BTD: variants seen among roughly 807,000 people sequenced by gnomAD.
BTD encodes biocytinase.
A neutral mutation model predicts 17.7 loss-of-function variants in BTD; 13 were observed. That is an observed-to-expected ratio of 0.74 (90% CI 0.48 to 1.17). The LOEUF (loss-of-function observed/expected upper bound fraction) is 1.17. BTD is among the 50% of genes most tolerant of loss of function. The pLI is 0.00. For missense variants in BTD, 674 were observed against 650.4 expected, an observed-to-expected ratio of 1.04 and a Z score of -0.39; for synonymous variants, 240 against 245.2, an observed-to-expected ratio of 0.98 and a Z score of 0.20.
chr3:15,633,393 C>A (rs1446611716), intron 1 of BTD, among the ~76,000 whole-genome samples: 3 of 152,172 alleles, frequency 2.0e-5, no homozygotes, highest in African/African-American at 7.2e-5. Context: ...TATTATCGAC[C>A]TACCTTTGTT....
intron 1 of BTD, among the ~76,000 whole-genome samples, chr3:15,626,506 G>A (rs761196475): frequency 1.1e-4 from 16 of 152,182 alleles, no homozygotes; most frequent in Non-Finnish European, 1.9e-4. Context: ...TAGGACAGAG[G>A]CCAGGCATGG....
intron 3 of BTD, among the ~76,000 whole-genome samples, chr3:15,675,693 A>G (rs2066864249): frequency 6.6e-6 from 1 of 152,274 alleles, no homozygotes; most frequent in Non-Finnish European, 1.5e-5. Context: ...TTGCTGTAAC[A>G]GATGATATAG....
intron 1 of BTD, among the ~76,000 whole-genome samples, chr3:15,611,460 A>G (rs570118135): frequency 1.3e-5 from 2 of 152,176 alleles, no homozygotes; most frequent in Admixed American, 6.5e-5. Flanking sequence ...TTCTTTTACT[A>G]TATTCTCACA....
At chr3:15,680,093 T>C (rs1034797483) in intron 3 of BTD, among the ~76,000 whole-genome samples, 1 of 152,148 alleles carries the variant, frequency 6.6e-6, no homozygotes, top group African/African-American at 2.4e-5. Context: ...AAACGAGAAA[T>C]GACTGTGCTA....
At position 15,635,344 on chromosome 3, in the gene BTD, A is replaced by G. The variant is rs1234201481; in HGVS notation, c.-16-80A>G. On this transcript the variant is annotated intron_variant, in intron 1 of 3. Transcript: ENST00000643237. The surrounding 1 kb of genome is among the most constrained non-coding windows in gnomAD (Gnocchi z 4.1). ...GCGAGTGAGTTTAATTGCTGGGATT[A>G]ATAAATCACAGCTGCAAACGTTAAA... The G allele has an allele frequency of 1.9e-6, 3 of 1,592,402 alleles. No homozygotes were observed. Among genetic ancestry groups the G allele is most frequent in the Non-Finnish European group, 1.7e-6 (2 of 1,163,168 alleles).
chr3:15,697,352 A>G (rs2069765362), intron 3 of BTD: 1 of 152,218 alleles, frequency 6.6e-6, no homozygotes. Context: ...TGAGGGATAA[A>G]AGACTACACA....
Position 15,648,166 on chromosome 3 carries a change from C to G in BTD, c.*2678C>G, listed in dbSNP as rs191229792. ...CACAGAAGATCTCCTCAGAGAGGAC[C>G]GATGGTGAGTCGGCCGCTCTTGATT... is the stretch of plus-strand genomic sequence containing the variant. On this transcript the variant is annotated 3_prime_UTR_variant, in exon 4 of 4. Coordinates refer to ENST00000643237, the MANE Select transcript of BTD (RefSeq NM_001370658.1). Among the ~76,000 whole-genome samples, 9 of 152,318 alleles carry G rather than the reference C, an allele frequency of 5.9e-5. No homozygotes were observed. Among genetic ancestry groups the G allele is most frequent in the South Asian group, 2.1e-4 (1 of 4,822 alleles).
At chr3:15,721,136 A>AG in intron 4 of BTD, 1 of 1,599,366 alleles carries the variant, frequency 6.3e-7, no homozygotes, top group Non-Finnish European at 8.5e-7. Flanking sequence ...ATCTATTAGA[A>AG]GGGAAAAAAA....
At chr3:15,601,932 G>C in intron 1 of BTD, 38 bp downstream of exon 1, 2 of 1,611,854 alleles carry the variant, frequency 1.2e-6, no homozygotes, top group Non-Finnish European at 1.7e-6. Context: ...AGGGGGTGTG[G>C]TAAGGGCGTG....
chr3:15,622,885 A>G (rs1203823454), intron 1 of BTD, among the ~76,000 whole-genome samples: 1 of 152,154 alleles, frequency 6.6e-6, no homozygotes, highest in Admixed American at 6.5e-5. Context: ...TCTCTTAATG[A>G]CTATGTTAGT....
chr3:15,637,926 A>G (rs954643200), intron 2 of BTD, among the ~76,000 whole-genome samples: 1 of 152,144 alleles, frequency 6.6e-6, no homozygotes, highest in Non-Finnish European at 1.5e-5. Flanking sequence ...CTCCGTCTCT[A>G]TTTGTTTTCC....
intron 3 of BTD, chr3:15,694,754 G>A: frequency 6.2e-7 from 1 of 1,613,354 alleles, no homozygotes; most frequent in Non-Finnish European, 8.5e-7. Flanking sequence ...AGTGTAAAGG[G>A]CTTATTGTTG....
chr3:15,638,745 A>G (rs2065425094), intron 2 of BTD, among the ~76,000 whole-genome samples: 1 of 152,368 alleles, frequency 6.6e-6, no homozygotes, highest in South Asian at 2.1e-4. Context: ...TACTTACACA[A>G]ACCTACATGG....
intron 1 of BTD, among the ~76,000 whole-genome samples, chr3:15,623,606 A>G (rs1326430025): frequency 2.0e-5 from 3 of 152,074 alleles, no homozygotes; most frequent in Non-Finnish European, 4.4e-5. Context: ...TAGGATGTTT[A>G]TATGGTTTGG....
downstream of BTD, among the ~76,000 whole-genome samples, chr3:15,658,283 A>G (rs2065891263): frequency 6.6e-6 from 1 of 152,208 alleles, no homozygotes; most frequent in Non-Finnish European, 1.5e-5. Flanking sequence ...CAAGTTACAG[A>G]TGGCACAGCT....
intron 3 of BTD, chr3:15,683,979 G>C (rs1224598544): frequency 6.6e-6 from 1 of 152,124 alleles, no homozygotes; most frequent in East Asian, 1.9e-4. Flanking sequence ...TATTTTCTCT[G>C]CATTTTGAGG....
chr3:15,658,753 C>T (rs758818735), intron 3 of BTD, among the ~76,000 whole-genome samples: 29 of 152,216 alleles, frequency 1.9e-4, no homozygotes, highest in Non-Finnish European at 3.1e-4. Context: ...GTATTCAATG[C>T]ATTCCTCTAG....
intron 3 of BTD, among the ~76,000 whole-genome samples, chr3:15,707,626 G>A (rs1270477323): frequency 6.6e-6 from 1 of 152,112 alleles, no homozygotes; most frequent in Non-Finnish European, 1.5e-5. Context: ...CCTCTAAGAA[G>A]TCAGGTGGAA....
chr3:15,602,428 ACAACC>A, intron 1 of BTD: 11 of 603,348 alleles, frequency 1.8e-5, no homozygotes, highest in Non-Finnish European at 1.9e-5. Context: ...GTCCCTACCT[ACAACC>A]AGCCCTGCAC....
Sources: gnomAD v4.1 joint callset for allele counts (sites outside exome capture counted in the v4.1 genomes callset) on GRCh38, gnomAD v4.1.1 for gene constraint, Gnocchi (gnomAD v3.1) non-coding constraint, MANE v1.5 for transcripts, NCBI Gene and HGNC (gene_info 2026-07-23, HGNC 2026-07-21) for gene names.